Variants in LAMA3 observed in about 807,000 individuals in gnomAD.
The protein encoded by LAMA3 is laminin subunit alpha 3.
Under a neutral mutation model 402.0 loss-of-function variants are expected in LAMA3, and 281 were observed. That is an observed-to-expected ratio of 0.70 (90% CI 0.63 to 0.77). The LOEUF is 0.77. Ranked by LOEUF, LAMA3 falls within the 30% of genes least tolerant of loss-of-function variation. The probability of loss-of-function intolerance (pLI) is 0.00; values close to 1 mark genes in which losing one functional copy is unlikely to be tolerated. For missense variants in LAMA3, 3,840 were observed against 4,215.5 expected (o/e 0.91, Z 2.47); for synonymous variants, 1,431 against 1,558.4 (o/e 0.92, Z 1.93).
intron 2 of LAMA3, among the ~76,000 whole-genome samples, chr18:23,726,053 T>G (rs1568117805): frequency 6.6e-6 from 1 of 152,198 alleles, no homozygotes; most frequent in African/African-American, 2.4e-5. Flanking sequence ...CCCTTCACAG[T>G]CATCCTTGCT....
At chr18:23,799,304 A>G (rs1475524564) in intron 12 of LAMA3, among the ~76,000 whole-genome samples, 1 of 152,250 alleles carries the variant, frequency 6.6e-6, no homozygotes, top group African/African-American at 2.4e-5. Flanking sequence ...CAAAAGAAAG[A>G]GCAGAATTGA....
At chr18:23,896,913 C>T (rs970244187) in intron 44 of LAMA3, among the ~76,000 whole-genome samples, 1 of 152,100 alleles carries the variant, frequency 6.6e-6, no homozygotes, top group Non-Finnish European at 1.5e-5. Flanking sequence ...GGGGAACTCC[C>T]ACCCAGAAAG....
intron 66 of LAMA3, among the ~76,000 whole-genome samples, chr18:23,933,022 T>G (rs1036847075): frequency 1.3e-5 from 2 of 152,208 alleles, no homozygotes; most frequent in Non-Finnish European, 1.5e-5. Flanking sequence ...CCAGGGGTTG[T>G]TAGCAACAGC....
intron 67 of LAMA3, among the ~76,000 whole-genome samples, chr18:23,937,321 G>C (rs552852828): frequency 1.4e-5 from 2 of 143,320 alleles, no homozygotes; most frequent in African/African-American, 5.3e-5. Context: ...AGCTGAGATC[G>C]CGCCACTGCA....
In LAMA3 at chr18:23,876,348, G is replaced by A; in HGVS notation, c.5053G>A (p.Val1685Ile). ...DHKGLYTGRC[V>I]PCNCNGHSNQ... ...TAAAGGCTTGTATACCGGACGGTGT[G>A]TTCCCTGCAATTGCAACGGACATTC... Residue 1685 changes from valine (V) to isoleucine (I), a missense_variant, in exon 39 of 75, where the codon GTT becomes ATT. Val to Ile is a conservative substitution (Grantham distance 29). This residue lies in a region of LAMA3 where 2,109 missense variants were observed against 2,376.0 expected (regional missense o/e 0.89). Coordinates refer to ENST00000313654, the MANE Select transcript of LAMA3 (RefSeq NM_198129.4). 1 of 1,614,192 alleles carries A rather than the reference G, an allele frequency of 6.2e-7. No homozygotes were observed. The highest frequency in any genetic ancestry group is 8.5e-7 in the Non-Finnish European group (1 of 1,179,974).
intron 1 of LAMA3, chr18:23,710,035 C>T: frequency 3.9e-6 from 3 of 770,732 alleles, no homozygotes; most frequent in East Asian, 5.1e-5. Flanking sequence ...TTCTTCATGG[C>T]GGACTCAGTG....
intron 23 of LAMA3, among the ~76,000 whole-genome samples, chr18:23,828,651 G>A (rs768306534): frequency 2.6e-5 from 4 of 152,162 alleles, no homozygotes; most frequent in African/African-American, 4.8e-5. Context: ...GCAACCACCA[G>A]GAAGTGATGC....
intron 32 of LAMA3, among the ~76,000 whole-genome samples, chr18:23,851,343 C>A (rs1254809884): frequency 6.6e-6 from 1 of 152,190 alleles, no homozygotes; most frequent in Non-Finnish European, 1.5e-5. Context: ...GCTTCTCTGG[C>A]CATTTCACTG....
chr18:23,846,192 C>T (rs978490687), intron 30 of LAMA3, 105 bp from the exon 31 acceptor site: 59 of 1,124,706 alleles, frequency 5.2e-5, no homozygotes, highest in African/African-American at 1.8e-4. Flanking sequence ...ACCATGAGCC[C>T]GTCCCACAGA....
At chr18:23,906,097 A>G (rs2081240631) in intron 52 of LAMA3, among the ~76,000 whole-genome samples, 1 of 152,188 alleles carries the variant, frequency 6.6e-6, no homozygotes, top group Non-Finnish European at 1.5e-5. Flanking sequence ...TGATTTATTT[A>G]TCAATTTCAT....
intron 34 of LAMA3, among the ~76,000 whole-genome samples, chr18:23,860,416 A>C (rs1034220955): frequency 6.6e-6 from 1 of 150,944 alleles, no homozygotes; most frequent in African/African-American, 2.4e-5. Context: ...GCACCACCAC[A>C]CCTGGTTAAT....
At chr18:23,788,808 C>T (rs1240974973) in intron 12 of LAMA3, among the ~76,000 whole-genome samples, 1 of 151,558 alleles carries the variant, frequency 6.6e-6, no homozygotes, top group Non-Finnish European at 1.5e-5. Context: ...CTCGAAAGGG[C>T]ACTATCAAAA....
chr18:23,939,006 A>G (rs1248784138), intron 67 of LAMA3, among the ~76,000 whole-genome samples: 1 of 152,154 alleles, frequency 6.6e-6, no homozygotes, highest in Non-Finnish European at 1.5e-5. Context: ...AAAGAGCTAA[A>G]TAAAGAATGA....
At position 23,779,970 on chromosome 18, in the gene LAMA3, C is replaced by T. The variant is rs142896938; in HGVS notation, c.1468+2351C>T. Among the ~76,000 whole-genome samples, 883 of 152,274 alleles carry T rather than the reference C, an allele frequency of 5.8e-3. 6 individuals carry two copies. The highest frequency in any genetic ancestry group is 0.02 in the African/African-American group (827 of 41,536). Reference sequence around the variant, plus strand: ...ATACTGGGCCACTTGAGGACAGCAGCTCTACAGGATGGGGCAGTCACGTTG... The same window carrying T: ...ATACTGGGCCACTTGAGGACAGCAGTTCTACAGGATGGGGCAGTCACGTTG... On this transcript the variant is annotated intron_variant, in intron 11 of 74. Transcript: ENST00000313654.
In LAMA3 at chr18:23,879,794, T is replaced by C. The variant is rs986449833; in HGVS notation, c.5113-2142T>C. On this transcript the variant is annotated intron_variant, in intron 39 of 74. Transcript: ENST00000313654. This position sits in a 1 kb window ranked among gnomAD's most constrained non-coding sequence, Gnocchi z 4.2. ...TTTCTCACATATTTTTACGGGACTT[T>C]GTCAAGCAACACGGGTTTTGACACT... Among the ~76,000 whole-genome samples the C allele has an allele frequency of 2.0e-5, 3 of 152,186 alleles. No homozygotes were observed. Among genetic ancestry groups the C allele is most frequent in the African/African-American group, 7.2e-5 (3 of 41,462 alleles).
intron 12 of LAMA3, among the ~76,000 whole-genome samples, chr18:23,806,055 C>T (rs2062956057): frequency 2.0e-5 from 3 of 152,226 alleles, no homozygotes; most frequent in African/African-American, 7.2e-5. Flanking sequence ...CCAGCTGTTT[C>T]ACTTCCAGGA....
chr18:23,813,153 A>C, intron 14 of LAMA3, 50 bp downstream of exon 14: 143 of 1,252,892 alleles, frequency 1.1e-4, no homozygotes, highest in Non-Finnish European at 1.6e-4. Context: ...TATTATTCTC[A>C]TGCATATTAA....
rs903251653 is a variant in LAMA3, at chr18:23,918,004, G to GT, written c.7923+1318dup. Among the ~76,000 whole-genome samples, 42 of 151,000 alleles carry GT rather than the reference G, an allele frequency of 2.8e-4. No individual in the cohort carries two copies. The highest frequency in any genetic ancestry group is 6.3e-4 in the South Asian group (3 of 4,740). On this transcript the variant is annotated intron_variant, in intron 60 of 74. Coordinates refer to ENST00000313654, the MANE Select transcript of LAMA3 (RefSeq NM_198129.4). The surrounding 1 kb of genome is among the most constrained non-coding windows in gnomAD (Gnocchi z 4.1). ...TGTCTAGAATAGGTTTTCTTCAAGGGTTTTTTTTTATAGTTTTAGGTTTTA... is the reference window on the plus strand; with the variant it reads ...TGTCTAGAATAGGTTTTCTTCAAGGGTTTTTTTTTTATAGTTTTAGGTTTTA...
intron 27 of LAMA3, among the ~76,000 whole-genome samples, chr18:23,840,773 T>C (rs1041722891): frequency 1.1e-4 from 16 of 152,312 alleles, no homozygotes; most frequent in Middle Eastern, 6.8e-3. Flanking sequence ...TATAAAAATA[T>C]AATTTACATT....
Sources: gnomAD v4.1 joint callset for allele counts (sites outside exome capture counted in the v4.1 genomes callset) on GRCh38, gnomAD v4.1.1 for gene constraint, gnomAD v4.1.1 regional missense constraint, Gnocchi (gnomAD v3.1) non-coding constraint, MANE v1.5 for transcripts, NCBI Gene and HGNC (gene_info 2026-07-23, HGNC 2026-07-21) for gene names.